TENM4: variants seen among roughly 807,000 people sequenced by gnomAD.
TENM4 encodes the protein teneurin-4.
A neutral mutation model predicts 243.3 loss-of-function variants in TENM4; 82 were observed. The ratio of observed to expected loss-of-function variants is 0.34; its 90% CI spans 0.28 to 0.40. The LOEUF is 0.40. Ranked by LOEUF, TENM4 falls within the 10% of genes least tolerant of loss-of-function variation. The pLI is 1.00. For synonymous variants in TENM4, 1,412 were observed against 1,456.3 expected (o/e 0.97, Z 0.69); for missense variants, 3,138 against 3,673.3 (o/e 0.85, Z 3.77).
intron 2 of TENM4, among the ~76,000 whole-genome samples, chr11:79,220,648 A>G (rs1359095618): frequency 6.6e-6 from 1 of 152,180 alleles, no homozygotes; most frequent in Non-Finnish European, 1.5e-5. Context: ...TAGAGAAAAA[A>G]TGCTGAAACT....
chr11:78,767,015 ATTCT>A (rs1311136928), intron 18 of TENM4, among the ~76,000 whole-genome samples: 2 of 152,196 alleles, frequency 1.3e-5, no homozygotes, highest in Admixed American at 6.5e-5. Context: ...CTGCTGTAGC[ATTCT>A]TTATGAAACT....
intron 1 of TENM4, among the ~76,000 whole-genome samples, chr11:79,374,698 C>T (rs913887930): frequency 2.0e-5 from 3 of 151,852 alleles, no homozygotes; most frequent in Non-Finnish European, 4.4e-5. Flanking sequence ...TTCACAGGCT[C>T]ACTAATAGAA....
At chr11:78,872,975 G>A (rs1859174465) in intron 9 of TENM4, among the ~76,000 whole-genome samples, 2 of 152,170 alleles carry the variant, frequency 1.3e-5, no homozygotes, top group South Asian at 2.1e-4. Context: ...ACAGCTTAAC[G>A]TGGAGCCTGC....
intron 28 of TENM4, among the ~76,000 whole-genome samples, chr11:78,699,118 T>C (rs540714680): frequency 9.2e-5 from 14 of 151,934 alleles, no homozygotes; most frequent in Admixed American, 3.9e-4. Flanking sequence ...CTGCCACTAA[T>C]ATTGCTTGCA....
At chr11:79,261,222 A>T (rs1184262711) in intron 2 of TENM4, among the ~76,000 whole-genome samples, 1 of 152,192 alleles carries the variant, frequency 6.6e-6, no homozygotes, top group Non-Finnish European at 1.5e-5. Flanking sequence ...GGGTCCAGAC[A>T]TAATTTCATA....
At chr11:78,756,726 C>G in intron 19 of TENM4, 79 bp downstream of exon 19, 1 of 1,372,716 alleles carries the variant, frequency 7.3e-7, no homozygotes, top group Non-Finnish European at 1.0e-6. Flanking sequence ...CTCCCACCCC[C>G]ATTCATCCAA....
chr11:79,423,764 G>A (rs12362554), intron 1 of TENM4, among the ~76,000 whole-genome samples: 33,034 of 151,832 alleles, frequency 0.22, 3,762 homozygotes, highest in East Asian at 0.36. Flanking sequence ...GATTTTTACA[G>A]GAGAGAAGAA....
intron 4 of TENM4, among the ~76,000 whole-genome samples, chr11:79,070,294 G>C (rs11823561): frequency 8.0e-4 from 122 of 151,724 alleles, no homozygotes; most frequent in African/African-American, 2.8e-3. Flanking sequence ...AAAGGGCACT[G>C]GTGGTTAGTA....
chr11:79,423,533 G>A (rs890586987), intron 1 of TENM4, among the ~76,000 whole-genome samples: 7 of 132,756 alleles, frequency 5.3e-5, no homozygotes, highest in African/African-American at 2.0e-4. Context: ...GCTTACAAGT[G>A]CATTTTTTTT....
chr11:78,890,049 CAG>C, intron 8 of TENM4, 29 bp from the exon 9 acceptor site: 1 of 1,503,936 alleles, frequency 6.6e-7, no homozygotes, highest in Non-Finnish European at 8.9e-7. Flanking sequence ...AAGAGGGTGT[CAG>C]GGGCTGCCCA....
intron 6 of TENM4, among the ~76,000 whole-genome samples, chr11:79,015,138 G>A (rs1363108924): frequency 6.6e-6 from 1 of 152,164 alleles, no homozygotes; most frequent in Non-Finnish European, 1.5e-5. Flanking sequence ...GATCACTAAG[G>A]ACTTACTGCC....
intron 1 of TENM4, among the ~76,000 whole-genome samples, chr11:79,435,865 C>A (rs966954215): frequency 6.6e-6 from 1 of 152,118 alleles, no homozygotes; most frequent in African/African-American, 2.4e-5. Flanking sequence ...TTGGAAATAT[C>A]GGGTTATGTA....
chr11:78,793,949 G>A, intron 15 of TENM4, among the ~76,000 whole-genome samples: 1 of 152,182 alleles, frequency 6.6e-6, no homozygotes, highest in East Asian at 1.9e-4. Flanking sequence ...TAGACTATAA[G>A]ATCTCTGGAA....
rs569614571 is a variant in TENM4 at position 78,775,061 on chromosome 11, C to T, written c.2392+3541G>A. On this transcript the variant is annotated intron_variant, in intron 17 of 33. Coordinates refer to ENST00000278550, the MANE Select transcript of TENM4 (RefSeq NM_001098816.3). The stretch of plus-strand genomic sequence containing the variant: ...CCTGCAGTCAAATAAGTTTGGAAAA[C>T]GTTGCATCCTATATTCTTATTGTAG... Among the ~76,000 whole-genome samples the T allele has an allele frequency of 3.9e-5, 6 of 152,246 alleles. No homozygotes were observed. In the East Asian group the frequency reaches 5.8e-4, roughly 15 times the overall value.
At chr11:78,913,580 GGTATGTGTGTGT>G (rs59578371) in intron 6 of TENM4, among the ~76,000 whole-genome samples, 1,987 of 126,456 alleles carry the variant, frequency 0.016, 61 homozygotes, top group African/African-American at 0.055. Flanking sequence ...ATGGGTAAGA[GGTATGTGTGTGT>G]GTGTGTGTGT....
intron 20 of TENM4, among the ~76,000 whole-genome samples, chr11:78,733,824 G>A (rs1046416075): frequency 2.6e-5 from 4 of 152,130 alleles, no homozygotes; most frequent in East Asian, 1.9e-4. Flanking sequence ...TCACTAATCC[G>A]GCAGGCTGGG....
At chr11:79,338,928 G>T (rs921539392) in intron 1 of TENM4, among the ~76,000 whole-genome samples, 11 of 152,188 alleles carry the variant, frequency 7.2e-5, no homozygotes, top group African/African-American at 2.4e-4. Flanking sequence ...TGGAAGTTGA[G>T]TCTACTCTGG....
intron 14 of TENM4, among the ~76,000 whole-genome samples, chr11:78,811,230 T>C (rs1218711690): frequency 6.6e-6 from 1 of 152,184 alleles, no homozygotes; most frequent in South Asian, 2.1e-4. Flanking sequence ...TTTTAACAGC[T>C]ACTTTACATT....
At chr11:79,196,692 A>G (rs1863634347) in intron 3 of TENM4, among the ~76,000 whole-genome samples, 1 of 152,120 alleles carries the variant, frequency 6.6e-6, no homozygotes, top group South Asian at 2.1e-4. Context: ...TTCTCTTCTT[A>G]ACAGGGCCTC....
Sources: gnomAD v4.1 joint callset for allele counts (sites outside exome capture counted in the v4.1 genomes callset) on GRCh38, gnomAD v4.1.1 for gene constraint, MANE v1.5 for transcripts, NCBI Gene and HGNC (gene_info 2026-07-23, HGNC 2026-07-21) for gene names.